Variants in COMMD2 observed in about 807,000 individuals in gnomAD.
COMMD2 encodes the protein COMM domain containing 2.
COMMD2 carries 25 observed loss-of-function variants against 22.5 expected under a neutral mutation model. The ratio of observed to expected loss-of-function variants is 1.11; its 90% confidence interval spans 0.81 to 1.55. COMMD2 has a LOEUF of 1.55. COMMD2 is among the 40% of genes most tolerant of loss of function. The pLI, the probability that COMMD2 is intolerant of heterozygous loss-of-function variation, is 0.00. For missense variants in COMMD2, 223 were observed against 232.9 expected (o/e 0.96, Z 0.28); for synonymous variants, 98 against 91.2 (o/e 1.07, Z -0.42).
intron 4 of COMMD2, among the ~76,000 whole-genome samples, chr3:149,743,375 T>C (rs1424827921): frequency 6.6e-6 from 1 of 152,132 alleles, no homozygotes; most frequent in Non-Finnish European, 1.5e-5. Flanking sequence ...AAACATCTTG[T>C]TATAGGAGAA....
chr3:149,748,923 CTCT>C (rs1421607329), intron 4 of COMMD2, among the ~76,000 whole-genome samples: 1 of 152,108 alleles, frequency 6.6e-6, no homozygotes, highest in Non-Finnish European at 1.5e-5. Flanking sequence ...AGGCCTGATG[CTCT>C]TAATATTTTG....
rs1172204777 is a variant in COMMD2, at chr3:149,741,692, C to A, written c.429G>T (p.Gln143His). The A allele has an allele frequency of 1.2e-6, 2 of 1,613,906 alleles. No individual in the cohort carries two copies. The highest frequency in any genetic ancestry group is 3.3e-5 in the Admixed American group (2 of 59,994). The part of the protein sequence containing the change: ...VQLASRSLRQ[Q>H]IKPAVTIKLH... ...GCTTTATAGTCACTGCTGGTTTAAT[C>A]TGTTGCCTGAGACTTCTACTTGCAA... Residue 143 changes from glutamine to histidine, a missense_variant, in exon 5 of 5, where the codon CAG (glutamine) becomes CAT (histidine). Coordinates refer to ENST00000473414, the MANE Select transcript of COMMD2 (RefSeq NM_016094.4).
intron 4 of COMMD2, among the ~76,000 whole-genome samples, chr3:149,749,197 T>A (rs1716457700): frequency 6.6e-6 from 1 of 152,266 alleles, no homozygotes; most frequent in East Asian, 1.9e-4. Flanking sequence ...GTATTTTTGG[T>A]AAAGACAGGT....
chr3:149,739,092 C>T lies in COMMD2; in HGVS notation c.*2429G>A, dbSNP rs941611515. The T allele has an allele frequency of 6.6e-6, 1 of 152,064 alleles. No individual in the cohort carries two copies. The highest frequency in any genetic ancestry group is 1.5e-5 in the Non-Finnish European group (1 of 68,004). The allele number at this position is 152,064 out of a possible 1,614,324, so 9.4% of individuals were successfully genotyped here. A position where few individuals can be genotyped will look rare whatever the true frequency, so the allele number is the denominator to read the frequency against. On this transcript the variant is annotated 3_prime_UTR_variant, in exon 5 of 5. Transcript: ENST00000473414. ...TATGACATTTAAGTCTAAACATGCA[C>T]CAGCCAATCGTGAAAAGTCAGCATA... is the stretch of plus-strand genomic sequence containing the variant.
chr3:149,747,549 G>T (rs1205663461), intron 4 of COMMD2, among the ~76,000 whole-genome samples: 1 of 152,210 alleles, frequency 6.6e-6, no homozygotes, highest in Non-Finnish European at 1.5e-5. Flanking sequence ...AGTAAGTTAC[G>T]AGAGTAGAGT....
rs927517155 is a variant in COMMD2, at chr3:149,752,153, G to C, written c.145+57C>G. On this transcript the variant is annotated intron_variant, in intron 2 of 4. Coordinates refer to ENST00000473414, the MANE Select transcript of COMMD2 (RefSeq NM_016094.4). ...TAATCCGTTTCTCTCCCGGGAGACA[G>C]GGAATGGCTCGCAACCGCCCTAGAA... 3.7e-5 allele frequency: 53 copies of C among 1,418,590 alleles called. 1 individual carries two copies. Among genetic ancestry groups the C allele is most frequent in the Non-Finnish European group, 4.7e-5 (48 of 1,016,312 alleles). The allele number at this position is 1,418,590 out of a possible 1,614,324, so 87.9% of individuals were successfully genotyped here. A position where few individuals can be genotyped will look rare whatever the true frequency, so the allele number is the denominator to read the frequency against.
chr3:149,751,847 T>A (rs980373651), intron 2 of COMMD2: 21 of 249,256 alleles, frequency 8.4e-5, no homozygotes, highest in Admixed American at 7.0e-4. Context: ...TTTTTTTTTT[T>A]AGCAAAAGCG....
intron 4 of COMMD2, among the ~76,000 whole-genome samples, chr3:149,749,135 C>T (rs1277949251): frequency 6.6e-6 from 1 of 152,152 alleles, no homozygotes; most frequent in Non-Finnish European, 1.5e-5. Flanking sequence ...CTGCCTCAGC[C>T]TCCCAAGTAG....
chr3:149,747,971 AG>A (rs1227714318), intron 4 of COMMD2, among the ~76,000 whole-genome samples: 5,137 of 134,654 alleles, frequency 0.038, 376 homozygotes, highest in African/African-American at 0.13. Flanking sequence ...AAAAAAAAAA[AG>A]GCTTAGTATA....
intron 4 of COMMD2, among the ~76,000 whole-genome samples, chr3:149,749,045 C>T (rs1695552361): frequency 6.6e-6 from 1 of 150,426 alleles, no homozygotes; most frequent in Non-Finnish European, 1.5e-5. Flanking sequence ...GACGAAGTCT[C>T]CCTCTGTTGC....
chr3:149,739,109 G>A lies in COMMD2; in HGVS notation c.*2412C>T, dbSNP rs998566648. On this transcript the variant is annotated 3_prime_UTR_variant, in exon 5 of 5. Transcript: ENST00000473414. ...AACATGCACCAGCCAATCGTGAAAA[G>A]TCAGCATACTCATAATCCAAAAAGC... 5 of 152,274 alleles carry A rather than the reference G, an allele frequency of 3.3e-5. No homozygotes were observed. The highest frequency in any genetic ancestry group is 3.3e-4 in the Admixed American group (5 of 15,296). 9.4% of individuals were successfully genotyped at this position (152,274 alleles called of 1,614,324 possible).
intron 4 of COMMD2, among the ~76,000 whole-genome samples, chr3:149,745,723 C>T (rs1021995900): frequency 6.6e-6 from 1 of 151,988 alleles, no homozygotes; most frequent in Admixed American, 6.6e-5. Context: ...CCTGAAGATG[C>T]TCATGACAAT....
At chr3:149,745,791 G>C (rs1179188709) in intron 4 of COMMD2, among the ~76,000 whole-genome samples, 4 of 152,212 alleles carry the variant, frequency 2.6e-5, no homozygotes, top group Non-Finnish European at 4.4e-5. Context: ...TGAAGATACA[G>C]TAAGACAGGT....
rs1716216207 is a variant in COMMD2, at chr3:149,741,314, C to A, written c.*207G>T. On this transcript the variant is annotated 3_prime_UTR_variant, in exon 5 of 5. Transcript: ENST00000473414. ...ATCTCCTGACCTCATGATTTGCCCA[C>A]CTCGGCCTCCCAAAGTGCTGGGATA... 2.0e-6 allele frequency: 1 copy of A among 511,808 alleles called. No individual in the cohort carries two copies. The highest frequency in any genetic ancestry group is 3.5e-6 in the Non-Finnish European group (1 of 285,546). The allele number at this position is 511,808 out of a possible 1,614,324, so 31.7% of individuals were successfully genotyped here.
rs1047329372 is a variant in COMMD2 at position 149,752,299 on chromosome 3, G to A, written c.68-12C>T. 6.2e-7 allele frequency: 1 copy of A among 1,613,984 alleles called. No homozygotes were observed. Among genetic ancestry groups the A allele is most frequent in the Non-Finnish European group, 8.5e-7 (1 of 1,179,934 alleles). On this transcript the variant is annotated splice_polypyrimidine_tract_variant and intron_variant, in intron 1 of 4. Coordinates refer to ENST00000473414, the MANE Select transcript of COMMD2 (RefSeq NM_016094.4). ...AAACTCGGCGACCACTGCAATGAAA[G>A]TCAGAAGGCTGTTGAGTGCCAGGCG...
rs1483309026 is a variant in COMMD2 at position 149,752,242 on chromosome 3, C to T, written c.113G>A (p.Gly38Asp). 1 of 1,613,958 alleles carries T rather than the reference C, an allele frequency of 6.2e-7. No homozygotes were observed. The highest frequency in any genetic ancestry group is 8.5e-7 in the Non-Finnish European group (1 of 1,180,012). Residue 38 changes from glycine to aspartate, a missense_variant, in exon 2 of 5, where the codon GGC becomes GAC. Gly to Asp is a moderately conservative substitution (Grantham distance 94). Coordinates refer to ENST00000473414, the MANE Select transcript of COMMD2 (RefSeq NM_016094.4). ...GCCTTCGTAGATTTTTGGGTTTGCG[C>T]CGCGTCTCAGGAATTCCACAGCAAT... ...GRIAVEFLRR[G>D]ANPKIYEGAA...
intron 4 of COMMD2, among the ~76,000 whole-genome samples, chr3:149,747,229 T>C (rs974062205): frequency 6.6e-6 from 1 of 152,236 alleles, no homozygotes; most frequent in Non-Finnish European, 1.5e-5. Flanking sequence ...AGGCTAAAGA[T>C]ATAAATTTGA....
Position 149,750,809 on chromosome 3 carries a change from A to G in COMMD2, c.271T>C (p.Phe91Leu). The stretch of plus-strand genomic sequence containing the variant: ...AACAATTTGTTTAATTCTTCAGAGA[A>G]TCCCAGAACAAAAACAGAGTCTTGG... ...DFQDSVFVLG[F>L]SEELNKLLLQ... The change falls in exon 4 of 5, where the codon TTC becomes CTC. Residue 91 changes from phenylalanine (F) to leucine (L), a missense_variant. Phe to Leu is a conservative substitution (Grantham distance 22, BLOSUM62 0). Transcript: ENST00000473414. 6.2e-7 allele frequency: 1 copy of G among 1,602,488 alleles called. No homozygotes were observed. The highest frequency in any genetic ancestry group is 8.5e-7 in the Non-Finnish European group (1 of 1,173,158).
rs764206234 is a variant in COMMD2, at chr3:149,752,450, C to G, written c.-6G>C. 6.2e-7 allele frequency: 1 copy of G among 1,612,304 alleles called. No homozygotes were observed. The highest frequency in any genetic ancestry group is 1.3e-5 in the African/African-American group (1 of 75,036). On this transcript the variant is annotated 5_prime_UTR_variant, in exon 1 of 5. Coordinates refer to ENST00000473414, the MANE Select transcript of COMMD2 (RefSeq NM_016094.4). ...TCGGACAATTCCAGCAGCATCTTCACTGTCCTACGATTTCACCCGGCAGCG... is the reference window on the plus strand; with the variant it reads ...TCGGACAATTCCAGCAGCATCTTCAGTGTCCTACGATTTCACCCGGCAGCG...
Sources: allele counts gnomAD v4.1 joint callset (sites outside exome capture counted in the v4.1 genomes callset), GRCh38; gene constraint gnomAD v4.1.1; transcripts MANE v1.5; gene names NCBI Gene and HGNC (gene_info 2026-07-23, HGNC 2026-07-21).